PLCL1: variants seen among roughly 807,000 people sequenced by gnomAD.
PLCL1 encodes phospholipase C like 1 (inactive).
A neutral mutation model predicts 84.4 loss-of-function variants in PLCL1; 41 were observed. The ratio of observed to expected loss-of-function variants is 0.49; its 90% CI spans 0.38 to 0.63. The LOEUF (loss-of-function observed/expected upper bound fraction) is 0.63. PLCL1 is among the 30% of genes least tolerant of loss of function. The pLI is 0.00. For synonymous variants in PLCL1, 490 were observed against 488.3 expected (o/e 1.00, Z -0.05); for missense variants, 1,206 against 1,367.8 (o/e 0.88, Z 1.87).
intron 1 of PLCL1, among the ~76,000 whole-genome samples, chr2:197,967,608 G>C (rs1689770955): frequency 6.6e-6 from 1 of 152,118 alleles, no homozygotes. Flanking sequence ...GACTCTTCCA[G>C]GACTTGTATG....
At chr2:197,952,962 A>G (rs1490259292) in intron 1 of PLCL1, among the ~76,000 whole-genome samples, 4 of 152,048 alleles carry the variant, frequency 2.6e-5, no homozygotes, top group Non-Finnish European at 4.4e-5. Flanking sequence ...GTATGTTTTT[A>G]TCAGCAGCAT....
Position 197,986,064 on chromosome 2 carries a change from A to G in PLCL1, c.241-97694A>G, listed in dbSNP as rs116347504. Reference sequence around the variant, plus strand: ...GAGTGGGGAGAAGCCAGGGAGTGATATTAGATTCCTATATGACATCCTTTA... The same window carrying G: ...GAGTGGGGAGAAGCCAGGGAGTGATGTTAGATTCCTATATGACATCCTTTA... On this transcript the variant is annotated intron_variant, in intron 1 of 5. Coordinates refer to ENST00000428675, the MANE Select transcript of PLCL1 (RefSeq NM_006226.4). 7.1e-3 allele frequency among the ~76,000 whole-genome samples: 1,083 copies of G among 152,330 alleles called. 14 individuals carry two copies. Among genetic ancestry groups the G allele is most frequent in the African/African-American group, 0.024 (1,015 of 41,578 alleles).
At chr2:198,130,622 C>G (rs192687120) in intron 5 of PLCL1, among the ~76,000 whole-genome samples, 6 of 152,188 alleles carry the variant, frequency 3.9e-5, no homozygotes, top group African/African-American at 9.6e-5. Flanking sequence ...TCCATATGTC[C>G]TGCTTATCCT....
chr2:197,856,800 T>G (rs1313453594), intron 1 of PLCL1, among the ~76,000 whole-genome samples: 1 of 152,232 alleles, frequency 6.6e-6, no homozygotes, highest in Admixed American at 6.5e-5. Flanking sequence ...TTTGCCATTA[T>G]TTGCAATATT....
At chr2:198,104,173 T>C (rs1004133573) in intron 5 of PLCL1, among the ~76,000 whole-genome samples, 1 of 151,904 alleles carries the variant, frequency 6.6e-6, no homozygotes, top group African/African-American at 2.4e-5. Flanking sequence ...GGTAGTTTTT[T>C]GACCCTCTCT....
At chr2:197,869,839 G>A (rs1002481773) in intron 1 of PLCL1, among the ~76,000 whole-genome samples, 12 of 152,108 alleles carry the variant, frequency 7.9e-5, no homozygotes, top group African/African-American at 2.7e-4. Flanking sequence ...ATGCTGCAAC[G>A]GTAAATTTCA....
chr2:197,921,381 A>G (rs946322647), intron 1 of PLCL1, among the ~76,000 whole-genome samples: 2 of 152,178 alleles, frequency 1.3e-5, no homozygotes, highest in African/African-American at 4.8e-5. Flanking sequence ...CTATTAATTA[A>G]TAGGGGTCCT....
intron 1 of PLCL1, among the ~76,000 whole-genome samples, chr2:197,870,731 G>A (rs1051332058): frequency 3.3e-5 from 5 of 152,026 alleles, no homozygotes; most frequent in Middle Eastern, 3.2e-3. Context: ...AGCTGCCTTG[G>A]TATAATTATA....
chr2:198,107,201 T>C (rs1693496627), intron 5 of PLCL1, among the ~76,000 whole-genome samples: 1 of 151,896 alleles, frequency 6.6e-6, no homozygotes, highest in Admixed American at 6.6e-5. Flanking sequence ...AAGCCCTTTA[T>C]AAAACCATCA....
intron 3 of PLCL1, among the ~76,000 whole-genome samples, chr2:198,093,598 G>A (rs1693110105): frequency 6.6e-6 from 1 of 152,208 alleles, no homozygotes; most frequent in East Asian, 1.9e-4. Context: ...AAAATGAACA[G>A]CTTGGGTTCA....
chr2:197,845,727 T>A (rs746666819), intron 1 of PLCL1, among the ~76,000 whole-genome samples: 38 of 152,166 alleles, frequency 2.5e-4, no homozygotes, highest in Non-Finnish European at 3.8e-4. Context: ...CCAGCCAAGA[T>A]GATTTTGTTA....
At chr2:197,971,784 C>T (rs12623270) in intron 1 of PLCL1, among the ~76,000 whole-genome samples, 2 of 152,290 alleles carry the variant, frequency 1.3e-5, no homozygotes, top group East Asian at 3.9e-4. Flanking sequence ...TCCAGATGAG[C>T]ATGTATCATC....
chr2:197,898,966 C>T (rs1688210489), intron 1 of PLCL1, among the ~76,000 whole-genome samples: 1 of 152,138 alleles, frequency 6.6e-6, no homozygotes, highest in South Asian at 2.1e-4. Context: ...ATTGCCATCA[C>T]CTCAATGACA....
At chr2:197,966,708 T>C (rs187983796) in intron 1 of PLCL1, among the ~76,000 whole-genome samples, 2 of 152,252 alleles carry the variant, frequency 1.3e-5, no homozygotes, top group East Asian at 3.9e-4. Context: ...CCAGGTACTG[T>C]GGTCACTTAC....
At chr2:198,093,603 G>T (rs1039437557) in intron 3 of PLCL1, among the ~76,000 whole-genome samples, 1 of 152,050 alleles carries the variant, frequency 6.6e-6, no homozygotes. Flanking sequence ...GAACAGCTTG[G>T]GTTCAATTTA....
intron 5 of PLCL1, among the ~76,000 whole-genome samples, chr2:198,107,912 T>TG (rs1399697984): frequency 6.6e-6 from 1 of 151,856 alleles, no homozygotes; most frequent in Non-Finnish European, 1.5e-5. Context: ...CCATTGAGTT[T>TG]GGGGCCTGTT....
intron 1 of PLCL1, among the ~76,000 whole-genome samples, chr2:197,868,474 A>G (rs1381369139): frequency 3.3e-5 from 5 of 152,084 alleles, no homozygotes; most frequent in Non-Finnish European, 7.4e-5. Flanking sequence ...CTACAACCAC[A>G]TGCAAAATCA....
chr2:197,997,323 TATGAAATGAAAGCAAG>T (rs1690492219), intron 1 of PLCL1, among the ~76,000 whole-genome samples: 1 of 152,218 alleles, frequency 6.6e-6, no homozygotes. Context: ...CAATAACTCC[TATGAAATGAAAGCAAG>T]AACTCAAAGC....
chr2:197,895,962 G>GTC (rs894590033), intron 1 of PLCL1, among the ~76,000 whole-genome samples: 1 of 151,840 alleles, frequency 6.6e-6, no homozygotes, highest in Non-Finnish European at 1.5e-5. Context: ...GGTAATTGCT[G>GTC]TCCTCATTCA....
Sources: allele counts gnomAD v4.1 joint callset (sites outside exome capture counted in the v4.1 genomes callset), GRCh38; gene constraint gnomAD v4.1.1; transcripts MANE v1.5; gene names NCBI Gene and HGNC (gene_info 2026-07-23, HGNC 2026-07-21).